LYPLAL1: variants seen among roughly 807,000 people sequenced by gnomAD.
LYPLAL1 encodes the protein lysophospholipase-like protein 1.
LYPLAL1 carries 23 observed loss-of-function variants against 19.7 expected under a neutral mutation model. The observed-to-expected ratio is 1.17, with a 90% CI of 0.84 to 1.65. The LOEUF (loss-of-function observed/expected upper bound fraction) is 1.65. Ranked by LOEUF, LYPLAL1 falls within the 40% of genes most tolerant of loss-of-function variation. The probability of loss-of-function intolerance (pLI) is 0.00; values close to 1 mark genes in which losing one functional copy is unlikely to be tolerated. For synonymous variants in LYPLAL1, 119 were observed against 96.3 expected (o/e 1.24, Z -1.38); for missense variants, 355 against 279.4 (o/e 1.27, Z -1.93).
chr1:219,382,173 T>C, the LYPLAL1 span, among the ~76,000 whole-genome samples: 1 of 152,204 alleles, frequency 6.6e-6, no homozygotes, highest in African/African-American at 2.4e-5. Context: ...AAGGTTGCCC[T>C]CTCTGGATGA....
the LYPLAL1 span, among the ~76,000 whole-genome samples, chr1:219,403,982 T>C: frequency 1.3e-5 from 2 of 152,160 alleles, no homozygotes; most frequent in Non-Finnish European, 2.9e-5. Flanking sequence ...ATCAAGGTGC[T>C]GATATAGTTG....
the LYPLAL1 span, among the ~76,000 whole-genome samples, chr1:219,232,763 C>T: frequency 6.6e-6 from 1 of 151,636 alleles, no homozygotes; most frequent in African/African-American, 2.4e-5. Flanking sequence ...ATATAAATGA[C>T]CAGCAAGCAT....
the LYPLAL1 span, among the ~76,000 whole-genome samples, chr1:219,248,772 A>G: frequency 1.3e-5 from 2 of 152,152 alleles, no homozygotes; most frequent in Non-Finnish European, 2.9e-5. Flanking sequence ...TGTGATGATG[A>G]ATTAGACACC....
the LYPLAL1 span, among the ~76,000 whole-genome samples, chr1:219,320,547 C>T: frequency 2.6e-4 from 40 of 152,112 alleles, no homozygotes; most frequent in Non-Finnish European, 4.4e-4. Flanking sequence ...CCCATTAACT[C>T]GTTATTTACA....
the LYPLAL1 span, among the ~76,000 whole-genome samples, chr1:219,398,594 A>G: frequency 6.6e-6 from 1 of 152,080 alleles, no homozygotes; most frequent in African/African-American, 2.4e-5. Flanking sequence ...CTTGCTGAGG[A>G]GATGGTGTGG....
intron 2 of LYPLAL1, among the ~76,000 whole-genome samples, chr1:219,189,788 A>G (rs1276613175): frequency 2.0e-5 from 3 of 151,666 alleles, no homozygotes; most frequent in African/African-American, 7.3e-5. Context: ...CAATAATGCA[A>G]TATTAATTAG....
chr1:219,178,696 C>CT (rs1452335258), intron 1 of LYPLAL1, among the ~76,000 whole-genome samples: 2 of 152,084 alleles, frequency 1.3e-5, no homozygotes, highest in Non-Finnish European at 1.5e-5. Context: ...ACATTTTGGA[C>CT]TTTTTTTAAC....
chr1:219,272,822 A>C, the LYPLAL1 span: 1 of 152,012 alleles, frequency 6.6e-6, no homozygotes, highest in Non-Finnish European at 1.5e-5. Flanking sequence ...CAGTAATAGA[A>C]ACCCTCAGCA....
the LYPLAL1 span, among the ~76,000 whole-genome samples, chr1:219,403,891 TG>T: frequency 6.6e-6 from 1 of 152,070 alleles, no homozygotes; most frequent in Non-Finnish European, 1.5e-5. Context: ...TCAGCTTGAC[TG>T]CCATAACAAA....
At chr1:219,297,912 C>A in the LYPLAL1 span, among the ~76,000 whole-genome samples, 15 of 152,206 alleles carry the variant, frequency 9.9e-5, no homozygotes, top group Non-Finnish European at 1.9e-4. Flanking sequence ...AACTACCTTA[C>A]TCCCCTTAAC....
At chr1:219,282,743 T>C in the LYPLAL1 span, among the ~76,000 whole-genome samples, 2 of 152,138 alleles carry the variant, frequency 1.3e-5, no homozygotes, top group African/African-American at 4.8e-5. Context: ...AAAAATCAAA[T>C]ATAAGGGTAA....
the LYPLAL1 span, among the ~76,000 whole-genome samples, chr1:219,415,757 C>T: frequency 6.6e-6 from 1 of 152,200 alleles, no homozygotes; most frequent in Non-Finnish European, 1.5e-5. Context: ...GGCAAGTTGT[C>T]AGCAGGGCCA....
At chr1:219,338,037 A>C in the LYPLAL1 span, among the ~76,000 whole-genome samples, 4 of 151,972 alleles carry the variant, frequency 2.6e-5, no homozygotes, top group South Asian at 8.3e-4. Flanking sequence ...TTTTGGTAAT[A>C]GTTCACCTAA....
chr1:219,178,684 A>T (rs17049124), intron 1 of LYPLAL1, among the ~76,000 whole-genome samples: 1 of 152,168 alleles, frequency 6.6e-6, no homozygotes, highest in African/African-American at 2.4e-5. Flanking sequence ...TACACTGAAC[A>T]CACATTTTGG....
At chr1:219,299,180 C>G in the LYPLAL1 span, among the ~76,000 whole-genome samples, 1 of 142,244 alleles carries the variant, frequency 7.0e-6, no homozygotes, top group South Asian at 2.2e-4. Flanking sequence ...TGGTTCCTTA[C>G]CCCCAAAACT....
At position 219,211,835 on chromosome 1, in the gene LYPLAL1, G is replaced by A; in HGVS notation, c.*107G>A. On this transcript the variant is annotated 3_prime_UTR_variant, in exon 5 of 5. Transcript: ENST00000366928. ...AAATATTAAGAAATAACACTTTCCT[G>A]ACTTTTTTATTATTAAAATGCTTAT... 1 of 716,880 alleles carries A rather than the reference G, an allele frequency of 1.4e-6. No homozygotes were observed. The allele number at this position is 716,880 out of a possible 1,614,324, so 44.4% of individuals were successfully genotyped here.
At chr1:219,270,313 C>A in the LYPLAL1 span, among the ~76,000 whole-genome samples, 1 of 152,218 alleles carries the variant, frequency 6.6e-6, no homozygotes, top group East Asian at 1.9e-4. Context: ...GCTCTCTCTG[C>A]TGAAGAGACA....
chr1:219,340,148 G>A, the LYPLAL1 span, among the ~76,000 whole-genome samples: 1 of 152,004 alleles, frequency 6.6e-6, no homozygotes, highest in African/African-American at 2.4e-5. Flanking sequence ...AAAATGCACA[G>A]CTTACAAAAT....
At chr1:219,367,098 C>T in the LYPLAL1 span, among the ~76,000 whole-genome samples, 2 of 152,006 alleles carry the variant, frequency 1.3e-5, no homozygotes, top group Non-Finnish European at 2.9e-5. Context: ...CCCGAGATAA[C>T]TTTGCCACGA....
Sources: gnomAD v4.1 joint callset for allele counts (sites outside exome capture counted in the v4.1 genomes callset) on GRCh38, gnomAD v4.1.1 for gene constraint, MANE v1.5 for transcripts, NCBI Gene and HGNC (gene_info 2026-07-23, HGNC 2026-07-21) for gene names.